The following SPECC1 variants were observed in gnomAD, a reference collection of about 807,000 sequenced individuals.
SPECC1 encodes sperm antigen with calponin homology and coiled-coil domains 1.
A neutral mutation model predicts 104.1 loss-of-function variants in SPECC1; 62 were observed. The ratio of observed to expected loss-of-function variants is 0.60; its 90% CI spans 0.49 to 0.74. The LOEUF (loss-of-function observed/expected upper bound fraction) is 0.74. Among genes scored for constraint, SPECC1 ranks in the 30% least tolerant of loss-of-function variants. The probability of loss-of-function intolerance (pLI) is 0.00; values close to 1 mark genes in which losing one functional copy is unlikely to be tolerated. For missense variants in SPECC1, 1,306 were observed against 1,310.5 expected (o/e 1.00, Z 0.05); for synonymous variants, 513 against 501.6 (o/e 1.02, Z -0.30).
At chr17:20,192,505 C>A (rs906658341) in intron 3 of SPECC1, among the ~76,000 whole-genome samples, 3 of 152,036 alleles carry the variant, frequency 2.0e-5, no homozygotes, top group East Asian at 1.9e-4. Flanking sequence ...TTTTTAGTTT[C>A]TTTCTTGGTT....
chr17:20,298,948 A>AGTGTGTGTGTGTGTGTGTGTGTGT (rs1555535565), intron 13 of SPECC1, among the ~76,000 whole-genome samples: 1 of 49,072 alleles, frequency 2.0e-5, no homozygotes, highest in Non-Finnish European at 3.7e-5. Flanking sequence ...AGAGAGAGAG[A>AGTGTGTGTGTGTGTGTGTGTGTGT]GTGTGTGTGT....
At chr17:20,294,773 A>G (rs2041291481) in intron 12 of SPECC1, among the ~76,000 whole-genome samples, 1 of 152,138 alleles carries the variant, frequency 6.6e-6, no homozygotes, top group African/African-American at 2.4e-5. Flanking sequence ...GGCATGTACA[A>G]AACTAATCAG....
chr17:20,110,129 G>C (rs1303670920), intron 2 of SPECC1, among the ~76,000 whole-genome samples: 1 of 152,134 alleles, frequency 6.6e-6, no homozygotes, highest in Admixed American at 6.5e-5. Context: ...GAGTCACTGT[G>C]CCCAGCCACA....
At position 20,042,747 on chromosome 17, in the gene SPECC1, G is replaced by T. The variant is rs2045383786; in HGVS notation, c.-22+33323G>T. 4.6e-5 allele frequency among the ~76,000 whole-genome samples: 7 copies of T among 152,236 alleles called. No individual in the cohort carries two copies. The South Asian group carries it at 1.2e-3, about 27-fold the overall frequency. On this transcript the variant is annotated intron_variant, in intron 1 of 14. Coordinates refer to ENST00000395527, the MANE Select transcript of SPECC1 (RefSeq NM_001243439.2). ...GGCTTTTCTTGGGGCTTTTCAATCT[G>T]TGCCCCTTGGTGTTTTGAAGTTGCC...
At chr17:20,075,932 G>A (rs1286005868) in intron 1 of SPECC1, among the ~76,000 whole-genome samples, 3 of 152,042 alleles carry the variant, frequency 2.0e-5, no homozygotes, top group African/African-American at 4.8e-5. Context: ...GGGCAACATA[G>A]CAAGACCCTG....
chr17:20,295,028 A>T (rs926526427), intron 12 of SPECC1, among the ~76,000 whole-genome samples: 2 of 151,140 alleles, frequency 1.3e-5, no homozygotes, highest in Non-Finnish European at 2.9e-5. Flanking sequence ...TATTATTATT[A>T]TTATTATTAT....
At chr17:20,027,969 C>T (rs2044659132) in intron 1 of SPECC1, among the ~76,000 whole-genome samples, 1 of 152,182 alleles carries the variant, frequency 6.6e-6, no homozygotes. Flanking sequence ...CTTTTGGTGT[C>T]ATGTCTAAGA....
intron 1 of SPECC1, among the ~76,000 whole-genome samples, chr17:20,059,030 C>T (rs373507618): frequency 1.6e-4 from 24 of 148,560 alleles, no homozygotes; most frequent in South Asian, 1.1e-3. Flanking sequence ...TTTTAGTAGA[C>T]GGGGTTTCAC....
chr17:20,095,545 A>G (rs2047605180), intron 1 of SPECC1: 1 of 152,278 alleles, frequency 6.6e-6, no homozygotes, highest in Admixed American at 6.5e-5. Context: ...AGGAGAAACA[A>G]GGTCGCAGAC....
chr17:20,078,434 A>G (rs2046845589), intron 1 of SPECC1, among the ~76,000 whole-genome samples: 1 of 152,136 alleles, frequency 6.6e-6, no homozygotes, highest in African/African-American at 2.4e-5. Flanking sequence ...TGCAATGTTC[A>G]ACCTCAATAA....
At chr17:20,030,099 A>G (rs1392942574) in intron 1 of SPECC1, among the ~76,000 whole-genome samples, 1 of 152,212 alleles carries the variant, frequency 6.6e-6, no homozygotes, top group African/African-American at 2.4e-5. Flanking sequence ...AACTGGGAGA[A>G]AATACATTTA....
chr17:20,072,399 CTG>C (rs2046589871), intron 1 of SPECC1, among the ~76,000 whole-genome samples: 1 of 152,246 alleles, frequency 6.6e-6, no homozygotes, highest in South Asian at 2.1e-4. Flanking sequence ...CCTCCTGTGT[CTG>C]TGCCATGGTG....
intron 2 of SPECC1, among the ~76,000 whole-genome samples, chr17:20,101,840 A>G (rs759518055): frequency 6.6e-6 from 1 of 152,370 alleles, no homozygotes; most frequent in Non-Finnish European, 1.5e-5. Context: ...GTGTCCAACC[A>G]TAACATGTTA....
At chr17:20,266,202 A>G (rs1433764042) in intron 12 of SPECC1, among the ~76,000 whole-genome samples, 2 of 152,238 alleles carry the variant, frequency 1.3e-5, no homozygotes, top group African/African-American at 2.4e-5. Context: ...TTTCCAATCC[A>G]TGAGCATGGA....
intron 3 of SPECC1, among the ~76,000 whole-genome samples, chr17:20,133,941 T>G (rs1055328832): frequency 1.3e-5 from 2 of 152,138 alleles, no homozygotes; most frequent in African/African-American, 4.8e-5. Flanking sequence ...AAAAGAGATG[T>G]GAAGTGTTTC....
At position 20,314,121 on chromosome 17, in the gene SPECC1, CG is replaced by C. The variant is rs1211289962; in HGVS notation, c.*57del. Reference sequence around the variant, plus strand: ...CACCTACTGCAGCTTTTCCTGGAAGCGCCTGATTACTGTCCACTGACCCTGC... The same window carrying C: ...CACCTACTGCAGCTTTTCCTGGAAGCCCTGATTACTGTCCACTGACCCTGC... On this transcript the variant is annotated 3_prime_UTR_variant, in exon 15 of 15. Transcript: ENST00000395527. 9 of 1,465,990 alleles carry C rather than the reference CG, an allele frequency of 6.1e-6. No homozygotes were observed. Among genetic ancestry groups the C allele is most frequent in the Non-Finnish European group, 8.5e-6 (9 of 1,057,190 alleles). The allele number at this position is 1,465,990 out of a possible 1,614,324, so 90.8% of individuals were successfully genotyped here.
chr17:20,227,909 AG>A (rs1325427654), intron 5 of SPECC1, among the ~76,000 whole-genome samples: 1 of 152,028 alleles, frequency 6.6e-6, no homozygotes, highest in East Asian at 1.9e-4. Context: ...CAAGCCCAGG[AG>A]AAATGTGGAA....
intron 12 of SPECC1, among the ~76,000 whole-genome samples, chr17:20,290,678 C>T (rs2041134090): frequency 6.6e-6 from 1 of 152,120 alleles, no homozygotes; most frequent in African/African-American, 2.4e-5. Context: ...CCATGCCTGG[C>T]TAATTTTTAA....
rs553471682 is a variant in SPECC1 at position 20,223,229 on chromosome 17, A to T, written c.1864-4184A>T. On this transcript the variant is annotated intron_variant, in intron 4 of 14. Transcript: ENST00000395527. The stretch of plus-strand genomic sequence containing the variant: ...CTTGTATGTGTGCTTTATTTTTTTT[A>T]AATTTTGTCTCCTCTGTATATTTTC... 1.4e-3 allele frequency among the ~76,000 whole-genome samples: 216 copies of T among 151,464 alleles called. 1 individual carries two copies. Among genetic ancestry groups the T allele is most frequent in the African/African-American group, 5.1e-3 (211 of 41,232 alleles).
Sources: allele counts gnomAD v4.1 joint callset (sites outside exome capture counted in the v4.1 genomes callset), GRCh38; gene constraint gnomAD v4.1.1; transcripts MANE v1.5; gene names NCBI Gene and HGNC (gene_info 2026-07-23, HGNC 2026-07-21).